TRPM3: variants seen among roughly 807,000 people sequenced by gnomAD.
TRPM3 encodes transient receptor potential cation channel subfamily M member 3.
Under a neutral mutation model 181.2 loss-of-function variants are expected in TRPM3, and 77 were observed. The ratio of observed to expected loss-of-function variants is 0.42; its 90% confidence interval spans 0.35 to 0.51. TRPM3 has a LOEUF of 0.51. Among genes scored for constraint, TRPM3 ranks in the 20% least tolerant of loss-of-function variants. The pLI, the probability that TRPM3 is intolerant of heterozygous loss-of-function variation, is 0.01. For missense variants in TRPM3, 1,759 were observed against 2,196.7 expected, an observed-to-expected ratio of 0.80 and a Z score of 3.98; for synonymous variants, 745 against 796.4, an observed-to-expected ratio of 0.94 and a Z score of 1.09.
intron 1 of TRPM3, among the ~76,000 whole-genome samples, chr9:71,249,233 A>G (rs1364067926): frequency 6.6e-6 from 1 of 152,230 alleles, no homozygotes; most frequent in African/African-American, 2.4e-5. Flanking sequence ...TAATGAGAAT[A>G]TAACTAAATT....
intron 1 of TRPM3, among the ~76,000 whole-genome samples, chr9:71,411,639 G>C (rs1267708685): frequency 1.3e-5 from 2 of 152,130 alleles, no homozygotes; most frequent in African/African-American, 4.8e-5. Context: ...TCATGGATAG[G>C]AAGAATCAAT....
At chr9:71,387,890 T>A (rs1205222068) in intron 1 of TRPM3, among the ~76,000 whole-genome samples, 1 of 152,182 alleles carries the variant, frequency 6.6e-6, no homozygotes, top group Non-Finnish European at 1.5e-5. Context: ...ATATAACTTT[T>A]CTATTATGTT....
intron 1 of TRPM3, among the ~76,000 whole-genome samples, chr9:71,427,172 G>A (rs1272091483): frequency 6.6e-6 from 1 of 152,050 alleles, no homozygotes; most frequent in East Asian, 1.9e-4. Context: ...GTACCATGGA[G>A]TCCAGGTTGT....
chr9:70,626,328 C>T (rs1037638218), intron 12 of TRPM3, among the ~76,000 whole-genome samples: 13 of 152,130 alleles, frequency 8.5e-5, no homozygotes, highest in African/African-American at 2.7e-4. Context: ...CTCCTTCTTG[C>T]GGGAGAGCGC....
intron 1 of TRPM3, among the ~76,000 whole-genome samples, chr9:71,429,241 G>A (rs1334270548): frequency 1.3e-5 from 2 of 152,090 alleles, no homozygotes; most frequent in South Asian, 2.1e-4. Context: ...AAAAGTAATG[G>A]GTTAAAAAAT....
At chr9:71,341,048 T>C (rs969976417) in intron 1 of TRPM3, among the ~76,000 whole-genome samples, 1 of 152,098 alleles carries the variant, frequency 6.6e-6, no homozygotes, top group Non-Finnish European at 1.5e-5. Flanking sequence ...AGATATATTA[T>C]TGTAATAATA....
intron 1 of TRPM3, among the ~76,000 whole-genome samples, chr9:71,033,841 C>G (rs539401818): frequency 1.2e-4 from 19 of 152,140 alleles, no homozygotes; most frequent in Non-Finnish European, 2.8e-4. Context: ...CTCAGGGTCA[C>G]GGGTGGCCAG....
chr9:70,910,731 A>G (rs958235207), intron 1 of TRPM3, among the ~76,000 whole-genome samples: 6 of 152,186 alleles, frequency 3.9e-5, no homozygotes, highest in African/African-American at 7.2e-5. Flanking sequence ...AGCTAAAAGC[A>G]CTTACTATGG....
chr9:71,141,650 T>C (rs978624063), intron 1 of TRPM3, among the ~76,000 whole-genome samples: 2 of 152,196 alleles, frequency 1.3e-5, no homozygotes, highest in African/African-American at 4.8e-5. Context: ...TCTGCAACAA[T>C]ACATGTCAGT....
chr9:70,964,607 T>G (rs2097168244), intron 1 of TRPM3, among the ~76,000 whole-genome samples: 1 of 152,068 alleles, frequency 6.6e-6, no homozygotes, highest in African/African-American at 2.4e-5. Context: ...AAATTTCCAG[T>G]TGTATTCTGA....
At chr9:70,796,586 A>G (rs768709066) in intron 6 of TRPM3, among the ~76,000 whole-genome samples, 12 of 152,210 alleles carry the variant, frequency 7.9e-5, no homozygotes, top group Non-Finnish European at 1.2e-4. Context: ...AGCACATGCC[A>G]ATGAACATCC....
At chr9:70,671,613 T>C (rs1330503812) in intron 9 of TRPM3, among the ~76,000 whole-genome samples, 1 of 152,146 alleles carries the variant, frequency 6.6e-6, no homozygotes, top group Non-Finnish European at 1.5e-5. Context: ...ACTTTATGAG[T>C]ATGACTTGAG....
At chr9:71,317,358 G>A (rs900073913) in intron 1 of TRPM3, among the ~76,000 whole-genome samples, 3 of 152,192 alleles carry the variant, frequency 2.0e-5, no homozygotes, top group Non-Finnish European at 2.9e-5. Flanking sequence ...ACAAGGCCTG[G>A]AACAGTGGCT....
At chr9:71,102,270 G>GGA (rs1591428609) in intron 1 of TRPM3, among the ~76,000 whole-genome samples, 1 of 152,260 alleles carries the variant, frequency 6.6e-6, no homozygotes, top group East Asian at 1.9e-4. Flanking sequence ...CTCCACTTGG[G>GGA]ATTTCTAAGG....
intron 1 of TRPM3, among the ~76,000 whole-genome samples, chr9:71,322,916 G>T (rs574397722): frequency 6.6e-6 from 1 of 152,016 alleles, no homozygotes; most frequent in Non-Finnish European, 1.5e-5. Flanking sequence ...TAGCTGAAGG[G>T]TAATAGTTCA....
intron 1 of TRPM3, among the ~76,000 whole-genome samples, chr9:71,318,960 GCTTT>G (rs1010126679): frequency 2.7e-5 from 4 of 147,578 alleles, no homozygotes; most frequent in African/African-American, 9.9e-5. Flanking sequence ...ACTACAGGCT[GCTTT>G]CTGTTACTAT....
intron 1 of TRPM3, among the ~76,000 whole-genome samples, chr9:71,009,069 C>A (rs969551102): frequency 6.6e-6 from 1 of 152,136 alleles, no homozygotes; most frequent in Non-Finnish European, 1.5e-5. Flanking sequence ...ATAGAAGGAA[C>A]ATACTGTAAC....
chr9:70,587,944 C>T (rs1267215199), intron 22 of TRPM3, among the ~76,000 whole-genome samples: 1 of 152,230 alleles, frequency 6.6e-6, no homozygotes, highest in Non-Finnish European at 1.5e-5. Flanking sequence ...CGGACAGTCA[C>T]TGTCCCTTCC....
At chr9:70,987,826 T>C (rs1328274415) in intron 1 of TRPM3, among the ~76,000 whole-genome samples, 1 of 152,066 alleles carries the variant, frequency 6.6e-6, no homozygotes, top group Non-Finnish European at 1.5e-5. Flanking sequence ...AGTATTCATA[T>C]ATTTAAAATT....
Sources: allele counts gnomAD v4.1 joint callset (sites outside exome capture counted in the v4.1 genomes callset), GRCh38; gene constraint gnomAD v4.1.1; transcripts MANE v1.5; gene names NCBI Gene and HGNC (gene_info 2026-07-23, HGNC 2026-07-21).